The following SYNE2 variants were observed in gnomAD, a reference collection of about 807,000 sequenced individuals.
The protein encoded by SYNE2 is nesprin-2.
Under a neutral mutation model 856.3 loss-of-function variants are expected in SYNE2, and 431 were observed. The ratio of observed to expected loss-of-function variants is 0.50; its 90% CI spans 0.47 to 0.55. The LOEUF (loss-of-function observed/expected upper bound fraction) is 0.55, where lower values mean the gene tolerates loss of function less well. Ranked by LOEUF, SYNE2 falls within the 20% of genes least tolerant of loss-of-function variation. The probability of loss-of-function intolerance (pLI) is 0.00; values close to 1 mark genes in which losing one functional copy is unlikely to be tolerated. For synonymous variants in SYNE2, 2,923 were observed against 2,872.3 expected (o/e 1.02, Z -0.56); for missense variants, 8,129 against 8,023.2 (o/e 1.01, Z -0.50).
intron 111 of SYNE2, 75 bp downstream of exon 111, chr14:64,220,712 C>T (rs2098690374): frequency 1.0e-5 from 16 of 1,525,362 alleles, no homozygotes; most frequent in Middle Eastern, 2.3e-4. Context: ...ATATTTTTAT[C>T]ATCATCAGGC....
chr14:63,805,401 G>A (rs997340549), intron 1 of SYNE2, among the ~76,000 whole-genome samples: 4 of 152,132 alleles, frequency 2.6e-5, no homozygotes, highest in Non-Finnish European at 4.4e-5. Flanking sequence ...TTTCAGCAGT[G>A]TTTTGTAATT....
At chr14:63,824,766 C>T (rs976416988) in intron 1 of SYNE2, among the ~76,000 whole-genome samples, 8 of 152,160 alleles carry the variant, frequency 5.3e-5, no homozygotes, top group African/African-American at 1.7e-4. Context: ...CCTGTATCAA[C>T]ATATCTCATG....
At chr14:63,961,188 A>G (rs1216644918) in intron 8 of SYNE2, among the ~76,000 whole-genome samples, 1 of 152,244 alleles carries the variant, frequency 6.6e-6, no homozygotes, top group Non-Finnish European at 1.5e-5. Context: ...CTATGTGTCT[A>G]GAAAGAGGAA....
chr14:64,075,432 C>A (rs2097450485), intron 53 of SYNE2, among the ~76,000 whole-genome samples: 1 of 152,170 alleles, frequency 6.6e-6, no homozygotes, highest in African/African-American at 2.4e-5. Context: ...CTGGAACCTT[C>A]CCTTTTGAAA....
intron 18 of SYNE2, among the ~76,000 whole-genome samples, chr14:63,984,649 C>G (rs2096611398): frequency 6.6e-6 from 1 of 152,156 alleles, no homozygotes; most frequent in Non-Finnish European, 1.5e-5. Flanking sequence ...AATTAAAAAT[C>G]ATATACTTGT....
rs773858058 is a variant in SYNE2, at chr14:64,216,322, A to C, written c.19477A>C (p.Met6493Leu). The change falls in exon 108 of 116, where the codon ATG (methionine) becomes CTG (leucine). Residue 6493 changes from methionine (M) to leucine (L), a missense_variant. Met to Leu is a conservative substitution (Grantham distance 15). Around this residue, in one of 3 missense-constraint regions of SYNE2, gnomAD observed 5,410 missense variants for 5,284.8 expected, o/e 1.02. Transcript: ENST00000555002. ...PSCPEHHYKQ[M>L]EGDRNVPPVP... is the part of the protein sequence containing the mutation. The stretch of plus-strand genomic sequence containing the variant: ...CTGTCCCGAGCATCACTACAAGCAA[A>C]TGGAAGGTGACAGGAATGTTCCACC... The C allele has an allele frequency of 6.2e-7, 1 of 1,614,154 alleles. No individual in the cohort carries two copies. Among genetic ancestry groups the C allele is most frequent in the South Asian group, 1.1e-5 (1 of 91,074 alleles).
intron 2 of SYNE2, among the ~76,000 whole-genome samples, chr14:63,939,238 AAGGG>A (rs2095870586): frequency 6.6e-6 from 1 of 152,002 alleles, no homozygotes; most frequent in Admixed American, 6.5e-5. Context: ...GTAGAGGGCT[AAGGG>A]AGGCATGGTG....
chr14:63,940,140 T>C (rs1359413027), intron 2 of SYNE2, among the ~76,000 whole-genome samples: 1 of 146,630 alleles, frequency 6.8e-6, no homozygotes, highest in Non-Finnish European at 1.5e-5. Flanking sequence ...TGCAGGGGCA[T>C]GATCACGACT....
intron 1 of SYNE2, among the ~76,000 whole-genome samples, chr14:63,778,310 T>C (rs576061013): frequency 6.6e-6 from 1 of 152,214 alleles, no homozygotes; most frequent in Admixed American, 6.6e-5. Context: ...TCCCCAGCCA[T>C]GCAGAACCGT....
intron 99 of SYNE2, among the ~76,000 whole-genome samples, chr14:64,198,187 G>C (rs2098547891): frequency 6.6e-6 from 1 of 152,244 alleles, no homozygotes; most frequent in South Asian, 2.1e-4. Flanking sequence ...ACCTGGGCAA[G>C]TGCAGAGATG....
At chr14:64,009,139 A>G (rs914887783) in intron 31 of SYNE2, among the ~76,000 whole-genome samples, 1 of 152,192 alleles carries the variant, frequency 6.6e-6, no homozygotes, top group East Asian at 1.9e-4. Flanking sequence ...GTCTCAGACT[A>G]AGCAGTGCCC....
At chr14:63,764,254 G>T (rs906435740) in intron 1 of SYNE2, among the ~76,000 whole-genome samples, 1 of 152,248 alleles carries the variant, frequency 6.6e-6, no homozygotes, top group East Asian at 1.9e-4. Context: ...TTTGCAAAGA[G>T]CCCCACTGTT....
chr14:64,077,996 A>T (rs2097482347), intron 54 of SYNE2, among the ~76,000 whole-genome samples: 1 of 152,196 alleles, frequency 6.6e-6, no homozygotes, highest in Non-Finnish European at 1.5e-5. Context: ...TATGATTGGA[A>T]TTACATTTTT....
intron 2 of SYNE2, among the ~76,000 whole-genome samples, chr14:63,940,139 A>G (rs1375846171): frequency 1.4e-5 from 2 of 143,358 alleles, no homozygotes; most frequent in Non-Finnish European, 3.0e-5. Context: ...GTGCAGGGGC[A>G]TGATCACGAC....
At chr14:64,123,313 G>T (rs894520720) in intron 70 of SYNE2, among the ~76,000 whole-genome samples, 4 of 152,124 alleles carry the variant, frequency 2.6e-5, no homozygotes, top group African/African-American at 9.7e-5. Flanking sequence ...TCCAGACAGG[G>T]AGCAGGTGAG....
At chr14:63,940,473 C>T in intron 2 of SYNE2, 141 bp from the exon 3 acceptor site, 1 of 753,548 alleles carries the variant, frequency 1.3e-6, no homozygotes, top group Non-Finnish European at 2.3e-6. Flanking sequence ...CAAACATCTA[C>T]AGTTTAGACT....
rs60075405 is a variant in SYNE2, at chr14:63,781,278, C to CA, written c.-305+19307dup. Among the ~76,000 whole-genome samples the CA allele has an allele frequency of 6.9e-3, 557 of 80,598 alleles. 3 individuals carry two copies. The highest frequency in any genetic ancestry group is 0.015 in the African/African-American group (316 of 21,124). The allele number at this position is 80,598 out of a possible 152,430, so 52.9% of individuals were successfully genotyped here. A position where few individuals can be genotyped will look rare whatever the true frequency, so the allele number is the denominator to read the frequency against. Reference sequence around the variant, plus strand: ...GTGCAACAAGAGTGAAACTCCAACTCAAAAAAAAAAAAAAAGAAAGATTTG... The same window carrying CA: ...GTGCAACAAGAGTGAAACTCCAACTCAAAAAAAAAAAAAAAAGAAAGATTTG... On this transcript the variant is annotated intron_variant, in intron 1 of 23. Coordinates refer to the SYNE2 transcript ENST00000674003.
chr14:63,825,743 C>T (rs776063891), intron 1 of SYNE2, among the ~76,000 whole-genome samples: 4 of 152,036 alleles, frequency 2.6e-5, no homozygotes, highest in African/African-American at 4.8e-5. Context: ...GGAATGGTGG[C>T]GGGCGCCTGT....
At chr14:63,854,666 A>G (rs1475796715) in intron 1 of SYNE2, among the ~76,000 whole-genome samples, 1 of 152,278 alleles carries the variant, frequency 6.6e-6, no homozygotes, top group Non-Finnish European at 1.5e-5. Flanking sequence ...GAATTTTTAA[A>G]AAATCAAACT....
Sources: allele counts gnomAD v4.1 joint callset (sites outside exome capture counted in the v4.1 genomes callset), GRCh38; gene constraint gnomAD v4.1.1; regional missense constraint gnomAD v4.1.1; transcripts MANE v1.5; gene names NCBI Gene and HGNC (gene_info 2026-07-23, HGNC 2026-07-21).